Variants in IGSF10 observed in about 807,000 individuals in gnomAD.
The protein encoded by IGSF10 is calvaria mechanical force protein 608.
Under a neutral mutation model 128.2 loss-of-function variants are expected in IGSF10, and 126 were observed. That is an observed-to-expected ratio of 0.98 (90% CI 0.85 to 1.14). The LOEUF (loss-of-function observed/expected upper bound fraction) is 1.14, where lower values mean the gene tolerates loss of function less well. Ranked by LOEUF, IGSF10 falls within the 50% of genes most tolerant of loss-of-function variation. The probability of loss-of-function intolerance (pLI) is 0.00; values close to 1 mark genes in which losing one functional copy is unlikely to be tolerated. For missense variants in IGSF10, 3,295 were observed against 3,149.8 expected (o/e 1.05, Z -1.10); for synonymous variants, 1,185 against 1,146.2 (o/e 1.03, Z -0.68).
chr3:151,615,001 T>C, the IGSF10 span, among the ~76,000 whole-genome samples: 1 of 152,076 alleles, frequency 6.6e-6, no homozygotes, highest in Non-Finnish European at 1.5e-5. Context: ...TAGATGACTT[T>C]GGAAAGCCTA....
At chr3:151,520,947 T>TA in the IGSF10 span, among the ~76,000 whole-genome samples, 301 of 72,360 alleles carry the variant, frequency 4.2e-3, no homozygotes, top group African/African-American at 0.011. Flanking sequence ...CAATCTGGAT[T>TA]AAAAAAAAAG....
the IGSF10 span, among the ~76,000 whole-genome samples, chr3:151,470,066 C>T: frequency 1.3e-5 from 2 of 152,176 alleles, no homozygotes; most frequent in African/African-American, 2.4e-5. Flanking sequence ...ATCAGCAGTA[C>T]ACTTGGCCTG....
At chr3:151,575,884 C>G in the IGSF10 span, among the ~76,000 whole-genome samples, 1 of 152,164 alleles carries the variant, frequency 6.6e-6, no homozygotes, top group South Asian at 2.1e-4. Flanking sequence ...TCATCTTTAT[C>G]AAGGCTTTCT....
At chr3:151,457,421 T>G (rs935905176) in intron 3 of IGSF10, among the ~76,000 whole-genome samples, 1 of 152,224 alleles carries the variant, frequency 6.6e-6, no homozygotes, top group African/African-American at 2.4e-5. Flanking sequence ...TTTATATATA[T>G]GCTGTTCCCT....
the IGSF10 span, among the ~76,000 whole-genome samples, chr3:151,541,544 T>C: frequency 6.6e-6 from 1 of 152,246 alleles, no homozygotes; most frequent in Non-Finnish European, 1.5e-5. Flanking sequence ...GGTTGTATTT[T>C]AAAGTTGACA....
At chr3:151,569,706 T>C in the IGSF10 span, among the ~76,000 whole-genome samples, 1 of 152,172 alleles carries the variant, frequency 6.6e-6, no homozygotes, top group Admixed American at 6.5e-5. Context: ...ATATTTTCAA[T>C]TGATCATGGC....
rs1412909510 is a variant in IGSF10, at chr3:151,445,321, C to T, written c.4660G>A (p.Ala1554Thr). The stretch of plus-strand genomic sequence containing the variant: ...TTCTGTGATTTAACTGTTGTTAGTG[C>T]TGGCATGGGAGTAGAATGTAACAGA... ...SNLLHSTPMP[A>T]LTTVKSQNSK... is the part of the protein sequence containing the mutation. The change falls in exon 6 of 8, where the codon GCA becomes ACA. Residue 1554 changes from alanine (A) to threonine (T), a missense_variant. Transcript: ENST00000282466. 1.2e-6 allele frequency: 2 copies of T among 1,614,058 alleles called. No individual in the cohort carries two copies. The highest frequency in any genetic ancestry group is 1.7e-6 in the Non-Finnish European group (2 of 1,180,032).
chr3:151,587,864 A>G, the IGSF10 span, among the ~76,000 whole-genome samples: 9 of 152,198 alleles, frequency 5.9e-5, no homozygotes, highest in Admixed American at 4.6e-4. Flanking sequence ...GCTGCCATCC[A>G]TGTAAGACAT....
the IGSF10 span, among the ~76,000 whole-genome samples, chr3:151,575,475 C>A: frequency 1.3e-5 from 2 of 151,970 alleles, no homozygotes; most frequent in African/African-American, 4.8e-5. Context: ...GCAGTTCGAT[C>A]TGGGACTGCT....
the IGSF10 span, among the ~76,000 whole-genome samples, chr3:151,561,514 TC>T: frequency 1.3e-5 from 2 of 152,188 alleles, no homozygotes; most frequent in Non-Finnish European, 2.9e-5. Flanking sequence ...TGCTGGTGAC[TC>T]TTTTGTAAAT....
chr3:151,555,598 T>C, the IGSF10 span, among the ~76,000 whole-genome samples: 1 of 152,160 alleles, frequency 6.6e-6, no homozygotes, highest in African/African-American at 2.4e-5. Flanking sequence ...CCCAGCTGCC[T>C]GACCTAATCA....
chr3:151,535,183 C>G, the IGSF10 span, among the ~76,000 whole-genome samples: 1 of 152,070 alleles, frequency 6.6e-6, no homozygotes, highest in Non-Finnish European at 1.5e-5. Flanking sequence ...GTTATCATCC[C>G]TTATTTTATT....
the IGSF10 span, among the ~76,000 whole-genome samples, chr3:151,613,734 T>C: frequency 1.1e-4 from 16 of 152,132 alleles, no homozygotes; most frequent in African/African-American, 3.9e-4. Context: ...AGAAGAAAAC[T>C]TAGGCAATAC....
chr3:151,521,238 T>C, the IGSF10 span, among the ~76,000 whole-genome samples: 5 of 151,956 alleles, frequency 3.3e-5, no homozygotes, highest in Non-Finnish European at 7.4e-5. Context: ...CTTAGAGACC[T>C]ACAGAGAGAC....
intron 7 of IGSF10, among the ~76,000 whole-genome samples, chr3:151,441,855 A>G (rs1259143795): frequency 5.9e-5 from 9 of 152,120 alleles, no homozygotes; most frequent in Admixed American, 5.2e-4. Context: ...AGGTCAGGAG[A>G]TCAAGACCAT....
chr3:151,507,820 T>A, the IGSF10 span, among the ~76,000 whole-genome samples: 1 of 152,186 alleles, frequency 6.6e-6, no homozygotes, highest in African/African-American at 2.4e-5. Flanking sequence ...TAAATCATAT[T>A]AAATATTAAT....
the IGSF10 span, among the ~76,000 whole-genome samples, chr3:151,497,289 T>C: frequency 1.3e-4 from 20 of 152,222 alleles, no homozygotes; most frequent in African/African-American, 4.6e-4. Context: ...GGTTTTCTTC[T>C]AGGGTTTTTA....
chr3:151,602,363 G>C, the IGSF10 span, among the ~76,000 whole-genome samples: 3 of 152,056 alleles, frequency 2.0e-5, no homozygotes, highest in Non-Finnish European at 2.9e-5. Context: ...GATTTCCTGT[G>C]CTCAATCTTT....
chr3:151,489,843 G>T, the IGSF10 span, among the ~76,000 whole-genome samples: 35 of 152,204 alleles, frequency 2.3e-4, no homozygotes, highest in East Asian at 6.0e-3. Context: ...CTAGGGGAGG[G>T]ATAGCATTAG....
Sources: gnomAD v4.1 joint callset for allele counts (sites outside exome capture counted in the v4.1 genomes callset) on GRCh38, gnomAD v4.1.1 for gene constraint, MANE v1.5 for transcripts, NCBI Gene and HGNC (gene_info 2026-07-23, HGNC 2026-07-21) for gene names.